The following SPAG16 variants were observed in gnomAD, a reference collection of about 807,000 sequenced individuals.
The protein encoded by SPAG16 is sperm-associated antigen 16 protein.
A neutral mutation model predicts 80.4 loss-of-function variants in SPAG16; 86 were observed. The observed-to-expected ratio is 1.07, with a 90% confidence interval of 0.90 to 1.28. The LOEUF is 1.28. SPAG16 is among the 50% of genes most tolerant of loss of function. The pLI is 0.00. For missense variants in SPAG16, 870 were observed against 765.3 expected, an observed-to-expected ratio of 1.14 and a Z score of -1.61; for synonymous variants, 294 against 265.9, an observed-to-expected ratio of 1.11 and a Z score of -1.03.
At chr2:213,908,125 A>C (rs1027047671) in intron 11 of SPAG16, among the ~76,000 whole-genome samples, 3 of 152,194 alleles carry the variant, frequency 2.0e-5, no homozygotes, top group Non-Finnish European at 4.4e-5. Flanking sequence ...GTAGCACATA[A>C]ATATGTACAA....
intron 9 of SPAG16, among the ~76,000 whole-genome samples, chr2:213,476,007 G>A (rs757283501): frequency 6.6e-6 from 1 of 152,156 alleles, no homozygotes; most frequent in Non-Finnish European, 1.5e-5. Context: ...ATGCTAATGG[G>A]TTTCTTCAAC....
intron 15 of SPAG16, among the ~76,000 whole-genome samples, chr2:214,307,027 G>A (rs973186035): frequency 3.3e-5 from 5 of 151,926 alleles, no homozygotes; most frequent in Admixed American, 2.0e-4. Flanking sequence ...GATTTTTTTG[G>A]TTAGTAGGTT....
At chr2:213,929,392 A>G (rs1352082641) in intron 11 of SPAG16, among the ~76,000 whole-genome samples, 3 of 152,068 alleles carry the variant, frequency 2.0e-5, no homozygotes, top group Non-Finnish European at 4.4e-5. Context: ...CTGATTACCG[A>G]AATGCAAAAT....
intron 12 of SPAG16, among the ~76,000 whole-genome samples, chr2:213,941,625 A>G (rs868208212): frequency 1.3e-5 from 2 of 152,132 alleles, no homozygotes; most frequent in Non-Finnish European, 2.9e-5. Flanking sequence ...TATCTTAACT[A>G]ATAACTTATG....
chr2:214,340,548 C>T (rs899292333), intron 15 of SPAG16, among the ~76,000 whole-genome samples: 2 of 152,146 alleles, frequency 1.3e-5, no homozygotes, highest in African/African-American at 4.8e-5. Flanking sequence ...AGTGCCCTGC[C>T]CCAGAGCATG....
intron 13 of SPAG16, among the ~76,000 whole-genome samples, chr2:214,042,015 C>CAGACACAAATATAT (rs1369019020): frequency 2.2e-5 from 3 of 137,924 alleles, no homozygotes; most frequent in Non-Finnish European, 4.7e-5. Flanking sequence ...TATACACACA[C>CAGACACAAATATAT]ACACAAATAT....
At chr2:213,858,772 C>T (rs188202719) in intron 10 of SPAG16, among the ~76,000 whole-genome samples, 6 of 152,022 alleles carry the variant, frequency 3.9e-5, no homozygotes, top group African/African-American at 1.4e-4. Flanking sequence ...ACAGAATGGT[C>T]GAAGGTGAGC....
chr2:213,622,089 C>G (rs996327205), intron 10 of SPAG16, among the ~76,000 whole-genome samples: 1 of 152,188 alleles, frequency 6.6e-6, no homozygotes, highest in African/African-American at 2.4e-5. Context: ...AACAATACAC[C>G]TGAACAATTA....
At chr2:213,680,282 T>C (rs936427533) in intron 10 of SPAG16, among the ~76,000 whole-genome samples, 1 of 152,110 alleles carries the variant, frequency 6.6e-6, no homozygotes, top group Non-Finnish European at 1.5e-5. Flanking sequence ...CTGGGGGACC[T>C]TATCCACAGG....
At position 214,023,740 on chromosome 2, in the gene SPAG16, C is replaced by A. The variant is rs1232177775; in HGVS notation, c.1527+9663C>A. 2.0e-5 allele frequency among the ~76,000 whole-genome samples: 3 copies of A among 151,666 alleles called. No individual in the cohort carries two copies. The East Asian group carries it at 5.8e-4, about 29-fold the overall frequency. ...TGTATCTCATACTTTCCATATAAAACCTTTGCATACACATCACAAATATCA... is the reference window on the plus strand; with the variant it reads ...TGTATCTCATACTTTCCATATAAAAACTTTGCATACACATCACAAATATCA... On this transcript the variant is annotated intron_variant, in intron 13 of 15. Transcript: ENST00000331683.
intron 9 of SPAG16, among the ~76,000 whole-genome samples, chr2:213,375,658 A>G (rs747648209): frequency 7.2e-5 from 11 of 152,058 alleles, no homozygotes; most frequent in Non-Finnish European, 1.5e-4. Context: ...AAATTACATA[A>G]AACCTGTGAA....
chr2:213,607,473 A>G (rs917411134), intron 10 of SPAG16, among the ~76,000 whole-genome samples: 1 of 152,200 alleles, frequency 6.6e-6, no homozygotes, highest in African/African-American at 2.4e-5. Flanking sequence ...CCATTCACTC[A>G]CAGCACCTGT....
At position 214,400,350 on chromosome 2, in the gene SPAG16, T is replaced by C. The variant is rs550429908; in HGVS notation, c.1721-9790T>C. Among the ~76,000 whole-genome samples the C allele has an allele frequency of 4.0e-4, 61 of 151,926 alleles. 1 individual carries two copies. The South Asian group carries it at 0.012, about 31-fold the overall frequency. On this transcript the variant is annotated intron_variant, in intron 15 of 15. Transcript: ENST00000331683. Reference sequence around the variant, plus strand: ...CCCCATGTAGCTGCAGATTTTGCAATCACAGATTGAACCAATCACAGATTG... The same window carrying C: ...CCCCATGTAGCTGCAGATTTTGCAACCACAGATTGAACCAATCACAGATTG...
intron 12 of SPAG16, among the ~76,000 whole-genome samples, chr2:213,946,349 G>A (rs1169988610): frequency 1.3e-5 from 2 of 151,994 alleles, no homozygotes; most frequent in Non-Finnish European, 2.9e-5. Context: ...TCCTGACCTC[G>A]AGATCTACCT....
At chr2:213,988,531 T>A (rs74874130) in intron 12 of SPAG16, among the ~76,000 whole-genome samples, 3,737 of 152,094 alleles carry the variant, frequency 0.025, 148 homozygotes, top group African/African-American at 0.086. Context: ...GAATTAGAAA[T>A]AATCTGACCA....
At chr2:213,975,583 GAA>G (rs1353006135) in intron 12 of SPAG16, among the ~76,000 whole-genome samples, 1 of 151,526 alleles carries the variant, frequency 6.6e-6, no homozygotes, top group African/African-American at 2.4e-5. Context: ...AAATAGAAAA[GAA>G]ATAAATAGAG....
At chr2:213,939,094 C>A (rs1359752834) in intron 12 of SPAG16, among the ~76,000 whole-genome samples, 2 of 152,128 alleles carry the variant, frequency 1.3e-5, no homozygotes, top group Non-Finnish European at 2.9e-5. Context: ...GAAGAAATAC[C>A]TCCAGCAGAA....
chr2:213,364,040 G>A (rs1377411172), intron 7 of SPAG16, 36 bp from the exon 8 acceptor site: 3 of 1,043,364 alleles, frequency 2.9e-6, no homozygotes, highest in Admixed American at 3.0e-5. Context: ...AAGTCATTTA[G>A]TGTATAATTT....
chr2:213,648,058 C>T (rs373465050), intron 10 of SPAG16, among the ~76,000 whole-genome samples: 5 of 152,126 alleles, frequency 3.3e-5, no homozygotes, highest in East Asian at 1.9e-4. Context: ...TAGGATTATC[C>T]GCTCAAAATT....
Sources: allele counts gnomAD v4.1 joint callset (sites outside exome capture counted in the v4.1 genomes callset), GRCh38; gene constraint gnomAD v4.1.1; transcripts MANE v1.5; gene names NCBI Gene and HGNC (gene_info 2026-07-23, HGNC 2026-07-21).